Variants in TENM4 observed in about 807,000 individuals in gnomAD.
The protein encoded by TENM4 is teneurin transmembrane protein 4, also known as teneurin-4.
In TENM4, 82 loss-of-function variants were observed where a neutral mutation model predicts 243.3. The observed-to-expected ratio is 0.34, with a 90% confidence interval of 0.28 to 0.40. The LOEUF (loss-of-function observed/expected upper bound fraction) is 0.40, where lower values mean the gene tolerates loss of function less well. Ranked by LOEUF, TENM4 falls within the 10% of genes least tolerant of loss-of-function variation. The pLI, the probability that TENM4 is intolerant of heterozygous loss-of-function variation, is 1.00. For missense variants in TENM4, 3,138 were observed against 3,673.3 expected, an observed-to-expected ratio of 0.85 and a Z score of 3.77; for synonymous variants, 1,412 against 1,456.3, an observed-to-expected ratio of 0.97 and a Z score of 0.69.
chr11:79,234,309 C>A (rs186688255), intron 2 of TENM4, among the ~76,000 whole-genome samples: 1 of 152,160 alleles, frequency 6.6e-6, no homozygotes, highest in Non-Finnish European at 1.5e-5. Context: ...GTGCTGGGCA[C>A]CCTGAAAGCT....
chr11:79,335,816 G>A (rs905119787), intron 1 of TENM4, among the ~76,000 whole-genome samples: 27 of 152,178 alleles, frequency 1.8e-4, no homozygotes, highest in African/African-American at 6.5e-4. Context: ...AGCTTGCAGT[G>A]ACTAATTCTG....
chr11:78,724,689 A>C (rs1437382029), intron 23 of TENM4, among the ~76,000 whole-genome samples: 1 of 152,206 alleles, frequency 6.6e-6, no homozygotes, highest in Non-Finnish European at 1.5e-5. Context: ...TTAGCTGGGC[A>C]CGTGACTGCC....
chr11:78,672,210 G>T lies in TENM4; in HGVS notation c.5616C>A (p.Ser1872Arg). ...RILYDQAGRP[S>R]LWSPSSRLNG... is the part of the protein sequence containing the mutation. ...TCAGCCTGCTGCTGGGTGACCAGAG[G>T]CTGGGCCGCCCCGCCTGGTCGTACA... Residue 1872 changes from serine (S) to arginine (R), a missense_variant, in exon 31 of 34, where the codon AGC becomes AGA. Ser to Arg is a moderately radical substitution (Grantham distance 110). Coordinates refer to ENST00000278550, the MANE Select transcript of TENM4 (RefSeq NM_001098816.3). 1 of 1,613,878 alleles carries T rather than the reference G, an allele frequency of 6.2e-7. No homozygotes were observed. Among genetic ancestry groups the T allele is most frequent in the Non-Finnish European group, 8.5e-7 (1 of 1,179,858 alleles).
At chr11:78,674,457 A>G (rs1460798342) in intron 30 of TENM4, among the ~76,000 whole-genome samples, 1 of 152,194 alleles carries the variant, frequency 6.6e-6, no homozygotes, top group East Asian at 1.9e-4. Flanking sequence ...GGAAATCCTA[A>G]TCATGCTAAT....
At chr11:78,993,432 A>G (rs1400440697) in intron 6 of TENM4, among the ~76,000 whole-genome samples, 2 of 152,198 alleles carry the variant, frequency 1.3e-5, no homozygotes, top group African/African-American at 4.8e-5. Context: ...CAAATTTGAA[A>G]AAATCTCAGC....
rs781672573 is a variant in TENM4, at chr11:78,669,921, T to C, written c.6424A>G (p.Thr2142Ala). 1 of 1,613,752 alleles carries C rather than the reference T, an allele frequency of 6.2e-7. No individual in the cohort carries two copies. The highest frequency in any genetic ancestry group is 1.7e-5 in the Admixed American group (1 of 59,998). Residue 2142 changes from threonine to alanine, a missense_variant, in exon 32 of 34, where the codon ACC becomes GCC. Thr to Ala is a moderately conservative substitution (Grantham distance 58). Around this residue, in one of 2 missense-constraint regions of TENM4, gnomAD observed 2,467 missense variants for 3,059.1 expected, o/e 0.81. Coordinates refer to ENST00000278550, the MANE Select transcript of TENM4 (RefSeq NM_001098816.3). The surrounding 1 kb of genome is among the most constrained non-coding windows in gnomAD (Gnocchi z 6.4). ...CTGCCATATGCATCAAAATGCTTGG[T>C]GTGGGTCATGACAGCTGTGGTGATG... ...QIITTAVMTH[T>A]KHFDAYGRMK...
intron 1 of TENM4, among the ~76,000 whole-genome samples, chr11:79,368,758 T>C (rs901155342): frequency 2.6e-5 from 4 of 152,218 alleles, no homozygotes; most frequent in African/African-American, 9.7e-5. Flanking sequence ...GAGTTTATAA[T>C]AGTCTCTGCC....
rs1225068050 is a variant in TENM4, at chr11:78,670,417, T to A, written c.5928A>T (p.Arg1976Ser). The stretch of plus-strand genomic sequence containing the variant: ...TGCCCTCAGGGGGCTGATAGATGTT[T>A]CTGTAGTAGCCCACTGAGCGGATGG... ...LETIRSVGYY[R>S]NIYQPPEGNA... The change falls in exon 32 of 34, where the codon AGA becomes AGT. Residue 1976 changes from arginine to serine, a missense_variant. By Grantham distance (110) the Arg-to-Ser change is moderately radical (BLOSUM62 -1). Coordinates refer to ENST00000278550, the MANE Select transcript of TENM4 (RefSeq NM_001098816.3). 1 of 1,613,992 alleles carries A rather than the reference T, an allele frequency of 6.2e-7. No individual in the cohort carries two copies. The highest frequency in any genetic ancestry group is 8.5e-7 in the Non-Finnish European group (1 of 1,179,894).
intron 2 of TENM4, among the ~76,000 whole-genome samples, chr11:79,287,776 A>G (rs139071748): frequency 3.5e-4 from 54 of 152,324 alleles, no homozygotes; most frequent in African/African-American, 1.1e-3. Flanking sequence ...AGGATTCTAG[A>G]TTCTTCCCTA....
At chr11:78,757,757 G>C (rs553130941) in intron 18 of TENM4, among the ~76,000 whole-genome samples, 2 of 152,310 alleles carry the variant, frequency 1.3e-5, no homozygotes, top group African/African-American at 4.8e-5. Flanking sequence ...CAGTGTAAGC[G>C]TGTGGCCTGC....
At chr11:79,183,477 CATT>C (rs1863323200) in intron 3 of TENM4, among the ~76,000 whole-genome samples, 1 of 152,146 alleles carries the variant, frequency 6.6e-6, no homozygotes, top group Non-Finnish European at 1.5e-5. Flanking sequence ...AGATACATGA[CATT>C]ATATACATTT....
chr11:79,099,243 G>A (rs1489898204), intron 4 of TENM4, among the ~76,000 whole-genome samples: 1 of 152,048 alleles, frequency 6.6e-6, no homozygotes, highest in Non-Finnish European at 1.5e-5. Context: ...AGTGCTGCTG[G>A]GATTTCCTTC....
intron 2 of TENM4, among the ~76,000 whole-genome samples, chr11:79,231,552 C>T (rs1049693371): frequency 5.3e-5 from 8 of 152,128 alleles, no homozygotes; most frequent in African/African-American, 1.9e-4. Flanking sequence ...GGCTTACATC[C>T]AGGGCATCTA....
chr11:79,032,146 C>T (rs1408685785), intron 6 of TENM4, among the ~76,000 whole-genome samples: 1 of 152,198 alleles, frequency 6.6e-6, no homozygotes, highest in African/African-American at 2.4e-5. Context: ...TAACTACCAT[C>T]TTGTACTTTT....
At chr11:79,088,120 C>T (rs576150850) in intron 4 of TENM4, among the ~76,000 whole-genome samples, 10 of 152,226 alleles carry the variant, frequency 6.6e-5, no homozygotes, top group Non-Finnish European at 1.0e-4. Context: ...GTCACTCCAT[C>T]GGTTCTGCTT....
intron 6 of TENM4, among the ~76,000 whole-genome samples, chr11:79,049,527 C>A (rs1345643767): frequency 3.9e-5 from 6 of 152,168 alleles, no homozygotes; most frequent in Admixed American, 2.6e-4. Context: ...CATAGCAGGC[C>A]GAAGCCTGCA....
intron 6 of TENM4, among the ~76,000 whole-genome samples, chr11:78,945,751 GC>G (rs1411483805): frequency 4.6e-5 from 7 of 152,168 alleles, no homozygotes; most frequent in Admixed American, 6.5e-5. Flanking sequence ...AGGCAAAACA[GC>G]CTTTTTGCTG....
intron 1 of TENM4, among the ~76,000 whole-genome samples, chr11:79,350,607 T>TC (rs1270544062): frequency 1.3e-5 from 2 of 149,684 alleles, no homozygotes; most frequent in African/African-American, 4.9e-5. Context: ...TTTTTTCTTT[T>TC]TTTTTTTCCT....
intron 1 of TENM4, among the ~76,000 whole-genome samples, chr11:79,344,518 T>TG (rs1857295573): frequency 6.6e-6 from 1 of 152,192 alleles, no homozygotes; most frequent in Non-Finnish European, 1.5e-5. Context: ...AGAGAGTACA[T>TG]GACACCCCCA....
Sources: gnomAD v4.1 joint callset for allele counts (sites outside exome capture counted in the v4.1 genomes callset) on GRCh38, gnomAD v4.1.1 for gene constraint, gnomAD v4.1.1 regional missense constraint, Gnocchi (gnomAD v3.1) non-coding constraint, MANE v1.5 for transcripts, NCBI Gene and HGNC (gene_info 2026-07-23, HGNC 2026-07-21) for gene names.